The following CNTN5 variants were observed in gnomAD, a reference collection of about 807,000 sequenced individuals.
CNTN5 encodes contactin 5.
A neutral mutation model predicts 129.1 loss-of-function variants in CNTN5; 77 were observed. That is an observed-to-expected ratio of 0.60 (90% confidence interval 0.50 to 0.72). The LOEUF is 0.72. Ranked by LOEUF, CNTN5 falls within the 30% of genes least tolerant of loss-of-function variation. The pLI, the probability that CNTN5 is intolerant of heterozygous loss-of-function variation, is 0.00. For missense variants in CNTN5, 1,478 were observed against 1,328.8 expected (o/e 1.11, Z -1.75); for synonymous variants, 509 against 465.6 (o/e 1.09, Z -1.20).
rs543936568 is a variant in CNTN5, at chr11:99,946,370, TG to T, written c.674-10433del. Among the ~76,000 whole-genome samples, 606 of 152,138 alleles carry T rather than the reference TG, an allele frequency of 4.0e-3. 1 individual carries two copies. The highest frequency in any genetic ancestry group is 0.014 in the African/African-American group (582 of 41,528). On this transcript the variant is annotated intron_variant, in intron 7 of 24. Transcript: ENST00000524871. ...CTACAAACTAGGAACAGAGGCTTAG[TG>T]GGAAAAATATATTACAGAGCCCACA...
intron 3 of CNTN5, among the ~76,000 whole-genome samples, chr11:99,695,750 GA>G (rs1446984264): frequency 6.6e-6 from 1 of 151,564 alleles, no homozygotes; most frequent in Non-Finnish European, 1.5e-5. Flanking sequence ...GAAAGAAAGC[GA>G]AAAAATAAAA....
intron 3 of CNTN5, among the ~76,000 whole-genome samples, chr11:99,722,921 T>A (rs1943220876): frequency 6.6e-6 from 1 of 151,954 alleles, no homozygotes; most frequent in Admixed American, 6.6e-5. Flanking sequence ...GCACTCTCAT[T>A]TCCTCAGACA....
At chr11:99,504,529 C>CAAAA (rs754621021) in intron 2 of CNTN5, among the ~76,000 whole-genome samples, 7 of 90,282 alleles carry the variant, frequency 7.8e-5, no homozygotes, top group African/African-American at 2.5e-4. Context: ...GACTCCGTCT[C>CAAAA]AAAAAAAAAA....
chr11:99,696,365 T>C (rs1264110209), intron 3 of CNTN5, among the ~76,000 whole-genome samples: 1 of 152,234 alleles, frequency 6.6e-6, no homozygotes, highest in African/African-American at 2.4e-5. Context: ...TTCATTGTCA[T>C]TTTTGTTTGA....
chr11:99,242,755 A>G (rs1193580244), intron 1 of CNTN5, among the ~76,000 whole-genome samples: 2 of 152,076 alleles, frequency 1.3e-5, no homozygotes, highest in Admixed American at 1.3e-4. Flanking sequence ...CTGTCCCTGC[A>G]TTAATTTGCC....
chr11:99,597,782 C>T (rs1051725800), intron 3 of CNTN5, among the ~76,000 whole-genome samples: 2 of 152,172 alleles, frequency 1.3e-5, no homozygotes, highest in Admixed American at 6.5e-5. Flanking sequence ...ATGATTACTT[C>T]TACCTCACAT....
At chr11:99,052,580 C>T (rs1237912768) in intron 1 of CNTN5, among the ~76,000 whole-genome samples, 2 of 151,808 alleles carry the variant, frequency 1.3e-5, no homozygotes, top group South Asian at 2.1e-4. Flanking sequence ...TTTCTAAGAA[C>T]ATATCCCTAT....
chr11:100,242,050 T>C (rs1565366367), intron 16 of CNTN5, among the ~76,000 whole-genome samples: 2 of 152,222 alleles, frequency 1.3e-5, no homozygotes, highest in African/African-American at 4.8e-5. Flanking sequence ...GGCTTCTGAT[T>C]CACACTCAAA....
chr11:99,444,382 TAACA>T (rs1943973198), intron 2 of CNTN5, among the ~76,000 whole-genome samples: 1 of 152,190 alleles, frequency 6.6e-6, no homozygotes, highest in African/African-American at 2.4e-5. Flanking sequence ...TTGTGATGTT[TAACA>T]AACAAGCAAA....
chr11:100,164,917 G>A (rs916956403), intron 13 of CNTN5, among the ~76,000 whole-genome samples: 13 of 151,794 alleles, frequency 8.6e-5, no homozygotes, highest in African/African-American at 3.1e-4. Flanking sequence ...AATCAAGGGA[G>A]ATATTACACA....
chr11:99,221,422 G>A (rs1465842591), intron 1 of CNTN5, among the ~76,000 whole-genome samples: 5 of 151,654 alleles, frequency 3.3e-5, no homozygotes, highest in Admixed American at 3.3e-4. Flanking sequence ...TTTGTTTCTT[G>A]TTTAAAAATT....
At chr11:99,798,686 G>A (rs1255373839) in intron 3 of CNTN5, among the ~76,000 whole-genome samples, 3 of 152,238 alleles carry the variant, frequency 2.0e-5, no homozygotes, top group Non-Finnish European at 2.9e-5. Context: ...ATAGTTTGAA[G>A]TCAGGTATTG....
chr11:99,407,450 T>C (rs1015397095), intron 2 of CNTN5, among the ~76,000 whole-genome samples: 2 of 150,612 alleles, frequency 1.3e-5, no homozygotes, highest in Non-Finnish European at 3.0e-5. Context: ...GTCCTTCCAC[T>C]CTTCTGTCTC....
At chr11:100,201,984 C>G (rs564740286) in intron 15 of CNTN5, among the ~76,000 whole-genome samples, 1 of 151,980 alleles carries the variant, frequency 6.6e-6, no homozygotes, top group Non-Finnish European at 1.5e-5. Flanking sequence ...TCCAGAATTA[C>G]ATCTCTCACC....
intron 18 of CNTN5, among the ~76,000 whole-genome samples, chr11:100,282,731 C>T (rs1020380152): frequency 6.7e-6 from 1 of 149,108 alleles, no homozygotes; most frequent in Non-Finnish European, 1.5e-5. Context: ...CCAGGGACTA[C>T]AGTCAAAATC....
intron 2 of CNTN5, among the ~76,000 whole-genome samples, chr11:99,428,346 G>A (rs1013903412): frequency 2.6e-5 from 4 of 151,924 alleles, no homozygotes; most frequent in African/African-American, 9.7e-5. Context: ...GATCACTTGA[G>A]CTCAGGAGTT....
intron 16 of CNTN5, among the ~76,000 whole-genome samples, chr11:100,230,004 C>T (rs1257617475): frequency 1.3e-5 from 2 of 152,046 alleles, no homozygotes; most frequent in African/African-American, 2.4e-5. Context: ...AAAAACAAAG[C>T]TTGTTTTGCT....
At chr11:99,689,848 A>T (rs1380894143) in intron 3 of CNTN5, among the ~76,000 whole-genome samples, 1 of 152,048 alleles carries the variant, frequency 6.6e-6, no homozygotes. Context: ...AGATGAACAG[A>T]TTGCAAAATT....
intron 9 of CNTN5, among the ~76,000 whole-genome samples, chr11:100,015,879 C>A (rs187567076): frequency 6.6e-6 from 1 of 151,954 alleles, no homozygotes; most frequent in Non-Finnish European, 1.5e-5. Context: ...CTTATAGTTT[C>A]TAATCTAGAA....
Sources: allele counts gnomAD v4.1 joint callset (sites outside exome capture counted in the v4.1 genomes callset), GRCh38; gene constraint gnomAD v4.1.1; transcripts MANE v1.5; gene names NCBI Gene and HGNC (gene_info 2026-07-23, HGNC 2026-07-21).